Variants in SBF1 observed in about 807,000 individuals in gnomAD.
SBF1 encodes the protein myotubularin-related protein 5.
Under a neutral mutation model 215.8 loss-of-function variants are expected in SBF1, and 65 were observed. The ratio of observed to expected loss-of-function variants is 0.30; its 90% CI spans 0.25 to 0.37. The LOEUF (loss-of-function observed/expected upper bound fraction) is 0.37. SBF1 is among the 10% of genes least tolerant of loss of function. SBF1 has a pLI of 1.00. For missense variants in SBF1, 2,634 were observed against 2,667.8 expected, an observed-to-expected ratio of 0.99 and a Z score of 0.28; for synonymous variants, 1,410 against 1,122.8, an observed-to-expected ratio of 1.26 and a Z score of -5.11.
chr22:50,462,946 T>C lies in SBF1; in HGVS notation c.1900-8A>G, dbSNP rs924800364. The C allele has an allele frequency of 5.0e-6, 8 of 1,610,624 alleles. No individual in the cohort carries two copies. Among genetic ancestry groups the C allele is most frequent in the Middle Eastern group, 1.6e-4 (1 of 6,080 alleles). On this transcript the variant is annotated splice_region_variant and splice_polypyrimidine_tract_variant and intron_variant, in intron 16 of 40. Transcript: ENST00000380817. Reference sequence around the variant, plus strand: ...GTCCAGAGAAGTGCAGTCCTGCAGGTAGAGCGAGAGACCGTCAGGACCTCT... The same window carrying C: ...GTCCAGAGAAGTGCAGTCCTGCAGGCAGAGCGAGAGACCGTCAGGACCTCT...
Position 50,465,262 on chromosome 22 carries a change from G to A in SBF1, c.1156C>T (p.Leu386=), listed in dbSNP as rs7284995. ...AQLLQGYRWC[L]HVVRIHPEPV... is the part of the protein sequence containing the mutation. ...TCCGGGTGGATGCGCACGACGTGCA[G>A]GCACCAGCGATAGCCCTGCAGCAGC... is the stretch of plus-strand genomic sequence containing the variant. Residue 386 remains leucine, a synonymous_variant, in exon 11 of 41, where the codon CTG becomes TTG. Coordinates refer to ENST00000380817, the MANE Select transcript of SBF1 (RefSeq NM_002972.4). 9.9e-6 allele frequency: 16 copies of A among 1,611,496 alleles called. No individual in the cohort carries two copies. In the African/African-American group the frequency reaches 1.9e-4, roughly 19 times the overall value.
intron 1 of SBF1, among the ~76,000 whole-genome samples, chr22:50,468,663 T>C (rs530930577): frequency 6.6e-6 from 1 of 152,062 alleles, no homozygotes; most frequent in Admixed American, 6.5e-5. Flanking sequence ...GAGAAGCCCC[T>C]GCCGCTACAC....
chr22:50,460,183 T>C, intron 25 of SBF1, 24 bp from the exon 26 acceptor site: 3 of 1,608,276 alleles, frequency 1.9e-6, no homozygotes, highest in Non-Finnish European at 2.5e-6. Context: ...GCACACGTGG[T>C]CATCACGGGG....
intron 12 of SBF1, 21 bp downstream of exon 12, chr22:50,464,980 G>A (rs766870654): frequency 1.2e-6 from 2 of 1,613,878 alleles, no homozygotes; most frequent in East Asian, 2.2e-5. Flanking sequence ...AGGGGGCTGG[G>A]AGGGCAGGGT....
chr22:50,455,635 G>T (rs2148571489), intron 31 of SBF1, 53 bp from the exon 32 acceptor site: 1 of 1,459,804 alleles, frequency 6.9e-7, no homozygotes, highest in Non-Finnish European at 9.4e-7. Context: ...CTCCCGCCTG[G>T]CCACTCACCA....
In SBF1 at chr22:50,464,319, C is replaced by G. The variant is rs1448122646; in HGVS notation, c.1749+10G>C. 2 of 1,607,786 alleles carry G rather than the reference C, an allele frequency of 1.2e-6. No homozygotes were observed. The highest frequency in any genetic ancestry group is 1.7e-5 in the Admixed American group (1 of 59,832). On this transcript the variant is annotated intron_variant, in intron 15 of 40. Transcript: ENST00000380817. ...TGCCCTGGCCCGGCTGGAGCCTGCACAGCCCTCACCTTCTTGGCCTCAAGC... is the reference window on the plus strand; with the variant it reads ...TGCCCTGGCCCGGCTGGAGCCTGCAGAGCCCTCACCTTCTTGGCCTCAAGC...
intron 26 of SBF1, 46 bp downstream of exon 26, chr22:50,459,906 C>T (rs1474669155): frequency 6.3e-7 from 1 of 1,597,980 alleles, no homozygotes; most frequent in Admixed American, 1.7e-5. Flanking sequence ...AGGGAAGACA[C>T]CCAGTCACGT....
rs1237313255 is a variant in SBF1 at position 50,454,801 on chromosome 22, G to A, written c.4812+13C>T. On this transcript the variant is annotated intron_variant, in intron 35 of 40. Transcript: ENST00000380817. ...GGGCAGGAGCCGCCTACCCGACCCA[G>A]GCCCCAGCTTACCTCTGCGTCCTCG... 5.6e-6 allele frequency: 9 copies of A among 1,613,408 alleles called. No homozygotes were observed. The highest frequency in any genetic ancestry group is 7.6e-6 in the Non-Finnish European group (9 of 1,179,750).
chr22:50,473,969 C>G (rs140040658), intron 1 of SBF1, among the ~76,000 whole-genome samples: 1 of 152,206 alleles, frequency 6.6e-6, no homozygotes, highest in East Asian at 1.9e-4. Flanking sequence ...AAGGGCTGTG[C>G]GGGGCCTGGC....
chr22:50,467,112 C>T, intron 5 of SBF1: 3 of 595,930 alleles, frequency 5.0e-6, no homozygotes, highest in Non-Finnish European at 9.0e-6. Context: ...CAGGCACACA[C>T]CATCAAAGGA....
chr22:50,454,968 T>C (rs372584745), intron 34 of SBF1, 24 bp from the exon 35 acceptor site: 93 of 1,613,822 alleles, frequency 5.8e-5, no homozygotes, highest in Non-Finnish European at 7.8e-5. Flanking sequence ...GCACTGAGCC[T>C]GGGCCCCTCC....
intron 38 of SBF1, among the ~76,000 whole-genome samples, 188 bp downstream of exon 38, chr22:50,448,042 ACTC>A (rs1438770019): frequency 6.6e-6 from 1 of 151,500 alleles, no homozygotes; most frequent in East Asian, 1.9e-4. Context: ...CCCTCTCTCT[ACTC>A]CTCCCTCAGC....
rs1240420679 is a variant in SBF1, at chr22:50,459,323, G to C, written c.3758C>G (p.Pro1253Arg). The change falls in exon 28 of 41, where the codon CCC becomes CGC. Residue 1253 changes from proline to arginine, a missense_variant. Pro to Arg is a moderately radical substitution (Grantham distance 103, BLOSUM62 -2). Coordinates refer to ENST00000380817, the MANE Select transcript of SBF1 (RefSeq NM_002972.4). ...KYLQAVVSSM[P>R]RYADASGRNT... ...GCGTCCCGACGCGTCGGCGTAGCGG[G>C]GCATGGAGCTGACCACAGCCTGCAG... 6 of 1,612,790 alleles carry C rather than the reference G, an allele frequency of 3.7e-6. No homozygotes were observed. Among genetic ancestry groups the C allele is most frequent in the Non-Finnish European group, 5.1e-6 (6 of 1,179,564 alleles).
Position 50,454,514 on chromosome 22 carries a change from C to G in SBF1, c.5041G>C (p.Glu1681Gln). Residue 1681 changes from glutamate to glutamine, a missense_variant and splice_region_variant, in exon 36 of 41, where the codon GAG (glutamate) becomes CAG (glutamine). Coordinates refer to ENST00000380817, the MANE Select transcript of SBF1 (RefSeq NM_002972.4). Reference sequence around the variant, plus strand: ...CCCTGCTCTGGGATCACACGCACCTCCAGCAGGCGTGAGATGGCGTCAGGC... The same window carrying G: ...CCCTGCTCTGGGATCACACGCACCTGCAGCAGGCGTGAGATGGCGTCAGGC... ...AQPDAISRLL[E>Q]ELQRLETELG... 1.2e-6 allele frequency: 2 copies of G among 1,608,304 alleles called. No homozygotes were observed. Among genetic ancestry groups the G allele is most frequent in the South Asian group, 1.1e-5 (1 of 91,046 alleles).
At chr22:50,458,912 T>A (rs184920088) in intron 28 of SBF1, among the ~76,000 whole-genome samples, 4 of 152,192 alleles carry the variant, frequency 2.6e-5, no homozygotes, top group Non-Finnish European at 5.9e-5. Context: ...CAGAGGAGCA[T>A]CTGGGATGTT....
chr22:50,466,199 G>A lies in SBF1; in HGVS notation c.848C>T (p.Pro283Leu). ...GGCCGCGTTGACCCCAATGATGAAG[G>A]GCGTGGGTGTGCTGAGGACCTCCAG... Reference protein sequence around the residue: ...QLLEVLSTPTPFIIGVNAAFQ... With the variant: ...QLLEVLSTPTLFIIGVNAAFQ... Residue 283 changes from proline (P) to leucine (L), a missense_variant, in exon 8 of 41, where the codon CCC (proline) becomes CTC (leucine). Physicochemically the swap from Pro to Leu is moderately conservative, Grantham distance 98. Coordinates refer to ENST00000380817, the MANE Select transcript of SBF1 (RefSeq NM_002972.4). 1.2e-6 allele frequency: 2 copies of A among 1,613,482 alleles called. No individual in the cohort carries two copies. Among genetic ancestry groups the A allele is most frequent in the South Asian group, 1.1e-5 (1 of 91,090 alleles).
At position 50,455,280 on chromosome 22, in the gene SBF1, C is replaced by A. The variant is rs776035145; in HGVS notation, c.4498G>T (p.Gly1500Trp). 1.2e-6 allele frequency: 2 copies of A among 1,613,312 alleles called. No homozygotes were observed. The highest frequency in any genetic ancestry group is 1.7e-5 in the Admixed American group (1 of 59,986). ...ACGGGTGTGAAGCCGCTGCTCTGCC[C>A]GGCCAGGGTGTGAGCTCCACGGTGG... ...FSHRGAHTLA[G>W]QSSGFTPVFL... Residue 1500 changes from glycine to tryptophan, a missense_variant, in exon 33 of 41, where the codon GGG (glycine) becomes TGG (tryptophan). Transcript: ENST00000380817.
chr22:50,452,740 A>C (rs918435967), intron 36 of SBF1, among the ~76,000 whole-genome samples: 1 of 150,926 alleles, frequency 6.6e-6, no homozygotes, highest in African/African-American at 2.4e-5. Context: ...AAAAAAAAAA[A>C]AAAAAAAAAA....
rs755293127 is a variant in SBF1 at position 50,459,980 on chromosome 22, C to T, written c.3463G>A (p.Val1155Ile). The part of the protein sequence containing the change: ...AKSEPFRISP[V>I]NRMYAICRSY... ...CGGCAGATGGCATACATGCGGTTGA[C>T]CGGAGAAATGCGGAAGGGCTCAGAC... Residue 1155 changes from valine to isoleucine, a missense_variant, in exon 26 of 41, where the codon GTC becomes ATC. By Grantham distance (29) the Val-to-Ile change is conservative. Transcript: ENST00000380817. 3.1e-6 allele frequency: 5 copies of T among 1,613,880 alleles called. No homozygotes were observed. The Admixed American group carries it at 6.7e-5, about 22-fold the overall frequency.
Sources: gnomAD v4.1 joint callset for allele counts (sites outside exome capture counted in the v4.1 genomes callset) on GRCh38, gnomAD v4.1.1 for gene constraint, MANE v1.5 for transcripts, NCBI Gene and HGNC (gene_info 2026-07-23, HGNC 2026-07-21) for gene names.